Variants in SLC39A10 observed in about 807,000 individuals in gnomAD.
SLC39A10 encodes solute carrier family 39 member 10, also known as zinc transporter ZIP10.
In SLC39A10, 13 loss-of-function variants were observed where a neutral mutation model predicts 65.1. That is an observed-to-expected ratio of 0.20 (90% CI 0.13 to 0.32). The LOEUF (loss-of-function observed/expected upper bound fraction) is 0.32. Ranked by LOEUF, SLC39A10 falls within the 10% of genes least tolerant of loss-of-function variation. The pLI is 1.00. For synonymous variants in SLC39A10, 321 were observed against 342.2 expected (o/e 0.94, Z 0.68); for missense variants, 831 against 1,018.4 (o/e 0.82, Z 2.50).
At chr2:195,704,331 T>A (rs1029402619) in intron 3 of SLC39A10, among the ~76,000 whole-genome samples, 1 of 152,218 alleles carries the variant, frequency 6.6e-6, no homozygotes, top group Non-Finnish European at 1.5e-5. Context: ...AAAGGGAAAG[T>A]TATATATTAC....
At chr2:195,729,716 A>G (rs1224253462) in intron 9 of SLC39A10, among the ~76,000 whole-genome samples, 28 of 152,050 alleles carry the variant, frequency 1.8e-4, no homozygotes, top group Non-Finnish European at 1.5e-5. Flanking sequence ...CTTCTTAAAG[A>G]GGTGGGGGAC....
At chr2:195,687,170 AGGTGCCT>A (rs1690556776) in intron 3 of SLC39A10, among the ~76,000 whole-genome samples, 1 of 152,202 alleles carries the variant, frequency 6.6e-6, no homozygotes, top group Non-Finnish European at 1.5e-5. Context: ...AGTCCCTCTC[AGGTGCCT>A]GTAAATTCTC....
At chr2:195,697,158 T>C (rs1690998036) in intron 3 of SLC39A10, among the ~76,000 whole-genome samples, 1 of 152,144 alleles carries the variant, frequency 6.6e-6, no homozygotes, top group African/African-American at 2.4e-5. Context: ...TCCTCGCAGT[T>C]CAAACCCATG....
rs552430372 is a variant in SLC39A10 at position 195,689,407 on chromosome 2, G to A, written c.1216+5501G>A. On this transcript the variant is annotated intron_variant, in intron 3 of 9. Coordinates refer to ENST00000359634, the MANE Select transcript of SLC39A10 (RefSeq NM_020342.3). ...ACCGTACTCCAACCTGGATAACGAA[G>A]TGAGAACCTGTCTCAAAAAAAAAAG... Among the ~76,000 whole-genome samples, 3 of 151,986 alleles carry A rather than the reference G, an allele frequency of 2.0e-5. No homozygotes were observed. The East Asian group carries it at 5.8e-4, about 29-fold the overall frequency.
chr2:195,633,727 A>G (rs1688640926), intron 2 of SLC39A10, among the ~76,000 whole-genome samples: 1 of 151,642 alleles, frequency 6.6e-6, no homozygotes, highest in Non-Finnish European at 1.5e-5. Context: ...TCTTTGCTGG[A>G]CTCCACTCTG....
chr2:195,681,804 G>A (rs1000691711), intron 2 of SLC39A10, among the ~76,000 whole-genome samples: 6 of 151,886 alleles, frequency 4.0e-5, no homozygotes, highest in Non-Finnish European at 8.8e-5. Flanking sequence ...TGTCCTCTTG[G>A]GAAGTAACTA....
intron 3 of SLC39A10, among the ~76,000 whole-genome samples, chr2:195,705,804 C>T (rs147066902): frequency 1.3e-5 from 2 of 151,978 alleles, no homozygotes; most frequent in East Asian, 1.9e-4. Context: ...TGAAAATGTC[C>T]AGCCCCCAAA....
At chr2:195,629,951 G>A (rs1004121006) in intron 2 of SLC39A10, among the ~76,000 whole-genome samples, 2 of 151,752 alleles carry the variant, frequency 1.3e-5, no homozygotes, top group Non-Finnish European at 2.9e-5. Flanking sequence ...GGCTAAGTTG[G>A]TCTCAAAGTC....
chr2:195,624,475 A>G (rs1164820972), intron 2 of SLC39A10, among the ~76,000 whole-genome samples: 1 of 151,960 alleles, frequency 6.6e-6, no homozygotes, highest in Non-Finnish European at 1.5e-5. Flanking sequence ...TAAAAAAAGA[A>G]GAAAAAAAGT....
At chr2:195,731,433 A>G (rs1692430374) in intron 9 of SLC39A10, among the ~76,000 whole-genome samples, 1 of 152,134 alleles carries the variant, frequency 6.6e-6, no homozygotes, top group South Asian at 2.1e-4. Context: ...GTGTATCTCA[A>G]CCTATTAACA....
In SLC39A10 at chr2:195,680,123, A is replaced by G; in HGVS notation, c.81A>G (p.Glu27=). 2 of 1,613,224 alleles carry G rather than the reference A, an allele frequency of 1.2e-6. No homozygotes were observed. Among genetic ancestry groups the G allele is most frequent in the African/African-American group, 1.3e-5 (1 of 75,026 alleles). Residue 27 remains glutamate (E), a synonymous_variant, in exon 2 of 10, where the codon GAA becomes GAG. Coordinates refer to ENST00000359634, the MANE Select transcript of SLC39A10 (RefSeq NM_020342.3). ...TTCATCATTGCAACCATTGCCATGA[A>G]GAACATGACCATGGCCCTGAAGCGC... ...FIFHHCNHCH[E]EHDHGPEALH...
chr2:195,671,122 T>C (rs901391335), intron 1 of SLC39A10, among the ~76,000 whole-genome samples: 2 of 152,188 alleles, frequency 1.3e-5, no homozygotes, highest in African/African-American at 2.4e-5. Context: ...TCACTACATA[T>C]TTAGTTCTGG....
chr2:195,649,336 C>T (rs1342473640), intron 2 of SLC39A10, among the ~76,000 whole-genome samples: 1 of 152,180 alleles, frequency 6.6e-6, no homozygotes, highest in Admixed American at 6.5e-5. Context: ...CATTTCTTGC[C>T]TTCCCTAATA....
intron 3 of SLC39A10, 88 bp from the exon 4 acceptor site, chr2:195,706,528 A>C: frequency 1.6e-6 from 2 of 1,277,878 alleles, no homozygotes; most frequent in Non-Finnish European, 2.2e-6. Flanking sequence ...ACCTTCTACG[A>C]TTCATTTATC....
At chr2:195,653,537 C>A (rs1689084482), upstream of SLC39A10, among the ~76,000 whole-genome samples, 1 of 152,178 alleles carries the variant, frequency 6.6e-6, no homozygotes, top group Non-Finnish European at 1.5e-5. Context: ...TCAGGTGATC[C>A]ACCCGCCTTG....
chr2:195,664,013 AGC>A, intron 1 of SLC39A10, among the ~76,000 whole-genome samples: 1 of 152,240 alleles, frequency 6.6e-6, no homozygotes, highest in Non-Finnish European at 1.5e-5. Flanking sequence ...ATCTTATGAA[AGC>A]ACATACAGTG....
chr2:195,628,395 A>T (rs1342499417), intron 2 of SLC39A10, among the ~76,000 whole-genome samples: 1 of 152,228 alleles, frequency 6.6e-6, no homozygotes, highest in Non-Finnish European at 1.5e-5. Context: ...TATATTAATG[A>T]TTGTTAAATT....
At chr2:195,686,051 G>A (rs1035594803) in intron 3 of SLC39A10, among the ~76,000 whole-genome samples, 15 of 152,156 alleles carry the variant, frequency 9.9e-5, no homozygotes, top group African/African-American at 3.4e-4. Context: ...TGTGAACACA[G>A]TTCTGGATGA....
chr2:195,620,500 C>G (rs1050225131), intron 2 of SLC39A10, among the ~76,000 whole-genome samples: 2 of 152,008 alleles, frequency 1.3e-5, no homozygotes, highest in African/African-American at 4.8e-5. Flanking sequence ...ATTAGAGTTA[C>G]ATTGGGTAGT....
Sources: allele counts gnomAD v4.1 joint callset (sites outside exome capture counted in the v4.1 genomes callset), GRCh38; gene constraint gnomAD v4.1.1; transcripts MANE v1.5; gene names NCBI Gene and HGNC (gene_info 2026-07-23, HGNC 2026-07-21).